Variants in PRKCE observed in about 807,000 individuals in gnomAD.
The protein encoded by PRKCE is protein kinase C epsilon.
PRKCE carries 16 observed loss-of-function variants against 85.4 expected under a neutral mutation model. The observed-to-expected ratio is 0.19, with a 90% confidence interval of 0.13 to 0.28. The LOEUF (loss-of-function observed/expected upper bound fraction) is 0.28, where lower values mean the gene tolerates loss of function less well. Among genes scored for constraint, PRKCE ranks in the 10% least tolerant of loss-of-function variants. PRKCE has a pLI of 1.00. For missense variants in PRKCE, 573 were observed against 975.2 expected (o/e 0.59, Z 5.49); for synonymous variants, 388 against 371.5 (o/e 1.04, Z -0.51).
intron 2 of PRKCE, among the ~76,000 whole-genome samples, chr2:45,948,725 T>C (rs982310980): frequency 3.3e-5 from 5 of 152,216 alleles, no homozygotes; most frequent in Admixed American, 2.6e-4. Flanking sequence ...ATTCCTGCTC[T>C]TTCTGTCTGC....
intron 10 of PRKCE, among the ~76,000 whole-genome samples, chr2:46,054,021 A>G (rs1271247351): frequency 1.3e-5 from 2 of 152,196 alleles, no homozygotes; most frequent in South Asian, 2.1e-4. Context: ...AGCCCTGTGC[A>G]TAGGTCCTTA....
intron 14 of PRKCE, among the ~76,000 whole-genome samples, chr2:46,161,693 C>T (rs990153619): frequency 4.0e-5 from 6 of 151,768 alleles, no homozygotes; most frequent in Admixed American, 2.0e-4. Context: ...TGAGAGGCCA[C>T]GAGGTGGGAA....
At chr2:45,934,749 CCACT>C (rs1699304470) in intron 2 of PRKCE, among the ~76,000 whole-genome samples, 1 of 151,958 alleles carries the variant, frequency 6.6e-6, no homozygotes, top group African/African-American at 2.4e-5. Flanking sequence ...AATTTTTGCT[CCACT>C]AGAAAGAAAC....
In PRKCE at chr2:46,041,388, A is replaced by T. The variant is rs1708206629; in HGVS notation, c.1437+30871A>T. ...AAGTCATGTATATTTATAGAGCCACATACACCTGTTAGACACACATTGAGT... is the reference window on the plus strand; with the variant it reads ...AAGTCATGTATATTTATAGAGCCACTTACACCTGTTAGACACACATTGAGT... On this transcript the variant is annotated intron_variant, in intron 10 of 14. Transcript: ENST00000306156. The surrounding 1 kb of genome is among the most constrained non-coding windows in gnomAD (Gnocchi z 5.5). 6.6e-6 allele frequency among the ~76,000 whole-genome samples: 1 copy of T among 152,262 alleles called. No homozygotes were observed. The highest frequency in any genetic ancestry group is 2.4e-5 in the African/African-American group (1 of 41,472).
At chr2:45,738,919 A>G (rs1161518094) in intron 1 of PRKCE, among the ~76,000 whole-genome samples, 1 of 152,246 alleles carries the variant, frequency 6.6e-6, no homozygotes, top group Non-Finnish European at 1.5e-5. Flanking sequence ...AGTAATAGGT[A>G]GTTCATGCAT....
intron 2 of PRKCE, among the ~76,000 whole-genome samples, chr2:45,931,713 A>AT (rs550243018): frequency 0.019 from 2,855 of 149,910 alleles, 82 homozygotes; most frequent in African/African-American, 0.065. Context: ...AGGTGACTGA[A>AT]TTTTTTTTTT....
intron 1 of PRKCE, among the ~76,000 whole-genome samples, chr2:45,699,783 A>G (rs1422514807): frequency 6.6e-6 from 1 of 152,138 alleles, no homozygotes; most frequent in Non-Finnish European, 1.5e-5. Flanking sequence ...GGCTTAGAGG[A>G]GACTGTGCTG....
chr2:45,776,479 T>C (rs1206611163), intron 1 of PRKCE, among the ~76,000 whole-genome samples: 1 of 152,206 alleles, frequency 6.6e-6, no homozygotes, highest in Non-Finnish European at 1.5e-5. Flanking sequence ...TTTTTTAGGG[T>C]GTCCTAATAA....
intron 11 of PRKCE, among the ~76,000 whole-genome samples, chr2:46,118,864 A>G (rs1458595153): frequency 1.3e-5 from 2 of 152,218 alleles, no homozygotes; most frequent in African/African-American, 2.4e-5. Context: ...GGAGCCTCCA[A>G]GAAAGCAGAG....
chr2:45,820,450 G>A (rs879353952), intron 1 of PRKCE, among the ~76,000 whole-genome samples: 13 of 152,096 alleles, frequency 8.5e-5, no homozygotes, highest in Non-Finnish European at 1.5e-4. Flanking sequence ...CTGTGCTAAG[G>A]AAGGGCAGAA....
chr2:46,019,267 C>T (rs1706433274), intron 10 of PRKCE, among the ~76,000 whole-genome samples: 1 of 152,144 alleles, frequency 6.6e-6, no homozygotes, highest in East Asian at 1.9e-4. Context: ...TTTTCAGGGA[C>T]TTCGGTTTCT....
intron 10 of PRKCE, among the ~76,000 whole-genome samples, chr2:46,084,718 C>CAAAAA (rs11314680): frequency 3.3e-5 from 3 of 92,236 alleles, no homozygotes; most frequent in Non-Finnish European, 6.2e-5. Flanking sequence ...GAGACTCCAT[C>CAAAAA]AAAAAAAAAA....
At chr2:46,108,058 G>A (rs761703051) in intron 11 of PRKCE, among the ~76,000 whole-genome samples, 1 of 152,180 alleles carries the variant, frequency 6.6e-6, no homozygotes, top group Non-Finnish European at 1.5e-5. Flanking sequence ...CACCCAAGTA[G>A]CTGGGGCTAC....
chr2:46,155,728 C>A lies in PRKCE; in HGVS notation c.1921-3878C>A, dbSNP rs1216750079. Among the ~76,000 whole-genome samples the A allele has an allele frequency of 1.3e-5, 2 of 152,174 alleles. No homozygotes were observed. The highest frequency in any genetic ancestry group is 2.9e-5 in the Non-Finnish European group (2 of 68,028). ...AAATGGGGTGCAATCCCTCTCTCCC[C>A]ATCACAGCTAGTCATCAAGTCCGTT... On this transcript the variant is annotated intron_variant, in intron 13 of 14. Coordinates refer to ENST00000306156, the MANE Select transcript of PRKCE (RefSeq NM_005400.3). This position sits in a 1 kb window ranked among gnomAD's most constrained non-coding sequence, Gnocchi z 4.7.
chr2:45,906,297 G>T (rs1377603929), intron 2 of PRKCE, among the ~76,000 whole-genome samples: 1 of 152,240 alleles, frequency 6.6e-6, no homozygotes, highest in African/African-American at 2.4e-5. Context: ...TCTGCTTGGG[G>T]CAAGACATTG....
Position 45,798,890 on chromosome 2 carries a change from G to A in PRKCE, c.349-44110G>A, listed in dbSNP as rs867818655. ...GTTTTTTAAAATGTGAGCATTGGCC[G>A]GGCACGGTGGCTCACGCCTATAATC... is the stretch of plus-strand genomic sequence containing the variant. On this transcript the variant is annotated intron_variant, in intron 1 of 14. Transcript: ENST00000306156. Among the ~76,000 whole-genome samples, 173 of 151,830 alleles carry A rather than the reference G, an allele frequency of 1.1e-3. 1 individual carries two copies. The highest frequency in any genetic ancestry group is 2.7e-3 in the African/African-American group (111 of 41,470).
intron 10 of PRKCE, among the ~76,000 whole-genome samples, chr2:46,055,584 T>G (rs935195070): frequency 6.6e-6 from 1 of 152,244 alleles, no homozygotes. Flanking sequence ...AAATTCTTCT[T>G]TTTGAGCCAC....
chr2:45,818,035 T>C (rs566098363), intron 1 of PRKCE, among the ~76,000 whole-genome samples: 8 of 152,358 alleles, frequency 5.3e-5, no homozygotes, highest in African/African-American at 1.9e-4. Flanking sequence ...CCTTAGAGTA[T>C]GACCTGAGAC....
At chr2:45,696,968 CT>C (rs1206057715) in intron 1 of PRKCE, among the ~76,000 whole-genome samples, 1 of 152,194 alleles carries the variant, frequency 6.6e-6, no homozygotes, top group Non-Finnish European at 1.5e-5. Flanking sequence ...ACCCCACTTC[CT>C]TTTTATTCCA....
Sources: allele counts gnomAD v4.1 joint callset (sites outside exome capture counted in the v4.1 genomes callset), GRCh38; gene constraint gnomAD v4.1.1; non-coding constraint Gnocchi (gnomAD v3.1); transcripts MANE v1.5; gene names NCBI Gene and HGNC (gene_info 2026-07-23, HGNC 2026-07-21).